LRP2: variants seen among roughly 807,000 people sequenced by gnomAD.
LRP2 encodes LDL receptor related protein 2.
A neutral mutation model predicts 531.0 loss-of-function variants in LRP2; 172 were observed. The ratio of observed to expected loss-of-function variants is 0.32; its 90% CI spans 0.29 to 0.37. The LOEUF is 0.37. Ranked by LOEUF, LRP2 falls within the 10% of genes least tolerant of loss-of-function variation. The probability of loss-of-function intolerance (pLI) is 1.00; values close to 1 mark genes in which losing one functional copy is unlikely to be tolerated. For missense variants in LRP2, 5,167 were observed against 5,868.3 expected (o/e 0.88, Z 3.90); for synonymous variants, 1,992 against 2,027.6 (o/e 0.98, Z 0.47).
At chr2:169,338,404 G>GAAAGAAAGAAAGAAAAGA (rs1553516032) in intron 1 of LRP2, among the ~76,000 whole-genome samples, 15 of 104,666 alleles carry the variant, frequency 1.4e-4, no homozygotes, top group Admixed American at 2.8e-4. Flanking sequence ...AAGAAAGAAA[G>GAAAGAAAGAAAGAAAAGA]AAAGAAAAGA....
intron 60 of LRP2, among the ~76,000 whole-genome samples, chr2:169,169,408 TG>T (rs1686909805): frequency 1.3e-5 from 2 of 152,268 alleles, no homozygotes; most frequent in South Asian, 4.1e-4. Context: ...TTACCTGAAA[TG>T]TTTTTTATCT....
intron 56 of LRP2, 144 bp downstream of exon 56, chr2:169,173,775 G>A (rs1369249096): frequency 1.8e-6 from 2 of 1,095,368 alleles, no homozygotes; most frequent in African/African-American, 1.5e-5. Flanking sequence ...ACTCTGCCTT[G>A]CAGTGCCAGA....
intron 6 of LRP2, among the ~76,000 whole-genome samples, chr2:169,292,925 A>G (rs1328839163): frequency 6.6e-6 from 1 of 152,152 alleles, no homozygotes; most frequent in Non-Finnish European, 1.5e-5. Context: ...TGCTGCAGAC[A>G]TGACAACATC....
intron 61 of LRP2, among the ~76,000 whole-genome samples, chr2:169,168,279 A>G (rs1228311189): frequency 6.6e-6 from 1 of 151,844 alleles, no homozygotes; most frequent in African/African-American, 2.4e-5. Context: ...TATGCATACT[A>G]GGTTTTCAAG....
At chr2:169,291,046 A>G (rs753307457) in intron 7 of LRP2, 49 bp from the exon 8 acceptor site, 2 of 1,571,500 alleles carry the variant, frequency 1.3e-6, no homozygotes, top group East Asian at 4.5e-5. Flanking sequence ...AGGTACAGCC[A>G]GCTCTTTGTT....
rs1574117872 is a variant in LRP2 at position 169,193,786 on chromosome 2, A to G, written c.8805T>C (p.Ser2935=). 6.2e-7 allele frequency: 1 copy of G among 1,613,986 alleles called. No homozygotes were observed. Among genetic ancestry groups the G allele is most frequent in the Non-Finnish European group, 8.5e-7 (1 of 1,180,022 alleles). Reference sequence around the variant, plus strand: ...GACACTGGTGCCTTTTATCCTCGTCACTCATATCCCCACAGTCATTATCAC... The same window carrying G: ...GACACTGGTGCCTTTTATCCTCGTCGCTCATATCCCCACAGTCATTATCAC... The part of the protein sequence containing the change: ...CDGDNDCGDM[S]DEDKRHQCQN... The change falls in exon 47 of 79, where the codon AGT becomes AGC. Residue 2935 remains serine (S), a synonymous_variant. Transcript: ENST00000649046.
intron 33 of LRP2, 77 bp from the exon 34 acceptor site, chr2:169,220,640 G>A (rs1688958747): frequency 2.1e-6 from 2 of 941,222 alleles, no homozygotes; most frequent in South Asian, 1.4e-5. Flanking sequence ...GAGAACTTAT[G>A]TACAAAACAA....
intron 1 of LRP2, among the ~76,000 whole-genome samples, chr2:169,334,335 A>G (rs1163220293): frequency 6.6e-6 from 1 of 152,216 alleles, no homozygotes; most frequent in Non-Finnish European, 1.5e-5. Context: ...CCATTTGCTT[A>G]CTGGAGTTTT....
At chr2:169,245,340 T>A (rs1279626925) in intron 21 of LRP2, among the ~76,000 whole-genome samples, 2 of 152,116 alleles carry the variant, frequency 1.3e-5, no homozygotes, top group Non-Finnish European at 2.9e-5. Context: ...CAACCACAAT[T>A]TCAAATTCAG....
At chr2:169,156,151 G>T in intron 65 of LRP2, 123 bp downstream of exon 65, 1 of 1,331,708 alleles carries the variant, frequency 7.5e-7, no homozygotes, top group Non-Finnish European at 1.1e-6. Context: ...AGCAGCTGGC[G>T]AGTTTAAAAA....
Position 169,196,994 on chromosome 2 carries a change from G to A in LRP2, c.8615C>T (p.Ala2872Val). The A allele has an allele frequency of 2.5e-6, 4 of 1,614,126 alleles. No homozygotes were observed. The East Asian group carries it at 8.9e-5, about 36-fold the overall frequency. Residue 2872 changes from alanine (A) to valine (V), a missense_variant, in exon 46 of 79, where the codon GCA becomes GTA. By Grantham distance (64) the Ala-to-Val change is moderately conservative (BLOSUM62 0). Coordinates refer to ENST00000649046, the MANE Select transcript of LRP2 (RefSeq NM_004525.3). Reference sequence around the variant, plus strand: ...ATGTTGAGGAATACAGCGCCCAGATGCGCATTGGAACTCACTGCTGCTGCA... The same window carrying A: ...ATGTTGAGGAATACAGCGCCCAGATACGCATTGGAACTCACTGCTGCTGCA... ...HTCSSSEFQCASGRCIPQHWY... is the reference protein window; with the variant it reads ...HTCSSSEFQCVSGRCIPQHWY...
At chr2:169,311,747 G>T (rs1002238049) in intron 3 of LRP2, among the ~76,000 whole-genome samples, 5 of 152,124 alleles carry the variant, frequency 3.3e-5, no homozygotes, top group African/African-American at 4.8e-5. Flanking sequence ...TCAATTCCTG[G>T]AAATCTTTGT....
At chr2:169,230,219 G>A (rs996569739) in intron 31 of LRP2, among the ~76,000 whole-genome samples, 5 of 152,170 alleles carry the variant, frequency 3.3e-5, no homozygotes, top group Admixed American at 6.5e-5. Context: ...CTTTGTATCC[G>A]AAATGTCTAC....
chr2:169,224,882 G>C (rs989275689), intron 33 of LRP2, among the ~76,000 whole-genome samples: 1 of 152,116 alleles, frequency 6.6e-6, no homozygotes, highest in Admixed American at 6.5e-5. Flanking sequence ...TTGAGGTCAG[G>C]TGTTCAAGAC....
At chr2:169,334,908 C>A (rs1361924755) in intron 1 of LRP2, among the ~76,000 whole-genome samples, 1 of 152,172 alleles carries the variant, frequency 6.6e-6, no homozygotes, top group African/African-American at 2.4e-5. Context: ...GTGGTTCCTT[C>A]CAGGGCATTC....
At chr2:169,305,357 T>C (rs1684387513) in intron 4 of LRP2, among the ~76,000 whole-genome samples, 1 of 152,194 alleles carries the variant, frequency 6.6e-6, no homozygotes, top group Non-Finnish European at 1.5e-5. Flanking sequence ...ACAATTTGCT[T>C]GCCATAATCA....
chr2:169,182,294 G>A lies in LRP2; in HGVS notation c.9871C>T (p.Leu3291=). 1 of 1,613,974 alleles carries A rather than the reference G, an allele frequency of 6.2e-7. No homozygotes were observed. Among genetic ancestry groups the A allele is most frequent in the South Asian group, 1.1e-5 (1 of 91,074 alleles). Residue 3291 remains leucine (L), a synonymous_variant, in exon 51 of 79, where the codon CTG becomes TTG. Transcript: ENST00000649046. ...AGGTCAGAGACAAAGAGGCCATCCA[G>A]GCGGGCATCCAACCAGTAGAGCTTT... ...SRKLYWLDAR[L]DGLFVSDLNG... is the part of the protein sequence containing the mutation.
chr2:169,169,435 T>C (rs1353586744), intron 60 of LRP2, among the ~76,000 whole-genome samples: 2 of 152,250 alleles, frequency 1.3e-5, no homozygotes, highest in African/African-American at 2.4e-5. Context: ...ATGATTTGTA[T>C]AGTAGCTGAT....
At position 169,319,579 on chromosome 2, in the gene LRP2, C is replaced by T. The variant is rs185153997; in HGVS notation, c.188-695G>A. On this transcript the variant is annotated intron_variant, in intron 2 of 78. Coordinates refer to ENST00000649046, the MANE Select transcript of LRP2 (RefSeq NM_004525.3). Reference sequence around the variant, plus strand: ...TAGCTGTTCACTTATTCCTTTACCCCAGATACACTGCCCTTGCCTTTTTGC... The same window carrying T: ...TAGCTGTTCACTTATTCCTTTACCCTAGATACACTGCCCTTGCCTTTTTGC... Among the ~76,000 whole-genome samples, 127 of 152,296 alleles carry T rather than the reference C, an allele frequency of 8.3e-4. 1 individual carries two copies. The highest frequency in any genetic ancestry group is 3.0e-3 in the African/African-American group (124 of 41,562).
Sources: gnomAD v4.1 joint callset for allele counts (sites outside exome capture counted in the v4.1 genomes callset) on GRCh38, gnomAD v4.1.1 for gene constraint, MANE v1.5 for transcripts, NCBI Gene and HGNC (gene_info 2026-07-23, HGNC 2026-07-21) for gene names.